Variants in PRIM2 observed in about 807,000 individuals in gnomAD.
The protein encoded by PRIM2 is DNA primase large subunit.
PRIM2 carries 39 observed loss-of-function variants against 67.3 expected under a neutral mutation model. That is an observed-to-expected ratio of 0.58 (90% CI 0.45 to 0.76). The LOEUF (loss-of-function observed/expected upper bound fraction) is 0.76. PRIM2 is among the 30% of genes least tolerant of loss of function. The pLI is 0.00. For missense variants in PRIM2, 398 were observed against 598.7 expected, an observed-to-expected ratio of 0.66 and a Z score of 3.50; for synonymous variants, 143 against 198.7, an observed-to-expected ratio of 0.72 and a Z score of 2.36.
At chr6:57,573,344 TAGTGG>T (rs1221816361) in intron 10 of PRIM2, among the ~76,000 whole-genome samples, 1 of 152,208 alleles carries the variant, frequency 6.6e-6, no homozygotes, top group East Asian at 1.9e-4. Context: ...GTGAAGTGGC[TAGTGG>T]AGTTGTGATC....
At chr6:57,525,493 T>G (rs1228220002) in intron 8 of PRIM2, among the ~76,000 whole-genome samples, 6 of 152,212 alleles carry the variant, frequency 3.9e-5, no homozygotes, top group Non-Finnish European at 8.8e-5. Flanking sequence ...TCATTCCTAC[T>G]GATTGTCATC....
chr6:57,461,408 C>T (rs1203919322), intron 7 of PRIM2, among the ~76,000 whole-genome samples: 17 of 152,206 alleles, frequency 1.1e-4, no homozygotes, highest in Admixed American at 2.0e-4. Flanking sequence ...AAATCATCCT[C>T]GCTCTGACAA....
At chr6:57,296,428 GAA>G in the PRIM2 span, among the ~76,000 whole-genome samples, 1 of 151,704 alleles carries the variant, frequency 6.6e-6, no homozygotes, top group Non-Finnish European at 1.5e-5. Flanking sequence ...CACTGTTGGA[GAA>G]AAAAAGTCAA....
intron 10 of PRIM2, among the ~76,000 whole-genome samples, chr6:57,599,408 T>G (rs1360902472): frequency 6.6e-6 from 1 of 151,716 alleles, no homozygotes; most frequent in Non-Finnish European, 1.5e-5. Context: ...AGGACATAAC[T>G]TCTCTCTTTC....
At chr6:57,228,731 C>T in the PRIM2 span, among the ~76,000 whole-genome samples, 5 of 152,170 alleles carry the variant, frequency 3.3e-5, no homozygotes, top group African/African-American at 1.2e-4. Context: ...CCAGCTGTAC[C>T]ACTTACTAGC....
chr6:57,496,766 T>C (rs1185795099), intron 7 of PRIM2, among the ~76,000 whole-genome samples: 6 of 152,312 alleles, frequency 3.9e-5, no homozygotes, highest in Admixed American at 1.3e-4. Context: ...CTCACAAATT[T>C]ATTAAGTGAA....
chr6:57,504,290 A>G (rs1275366909), intron 7 of PRIM2, among the ~76,000 whole-genome samples: 17 of 152,184 alleles, frequency 1.1e-4, no homozygotes, highest in African/African-American at 1.9e-4. Flanking sequence ...TAGAGTAACC[A>G]CCTGATTTAT....
chr6:57,291,669 C>T, the PRIM2 span, among the ~76,000 whole-genome samples: 1 of 152,200 alleles, frequency 6.6e-6, no homozygotes, highest in African/African-American at 2.4e-5. Context: ...GGCTTCATCC[C>T]TGGGATGCAA....
At chr6:57,583,026 T>A (rs1776125397) in intron 10 of PRIM2, among the ~76,000 whole-genome samples, 1 of 145,326 alleles carries the variant, frequency 6.9e-6, no homozygotes, top group African/African-American at 2.6e-5. Context: ...CTATGAGTGA[T>A]AACATGTGGT....
At chr6:57,643,500 T>C (rs1462896718) in intron 13 of PRIM2, among the ~76,000 whole-genome samples, 1 of 152,214 alleles carries the variant, frequency 6.6e-6, no homozygotes, top group Non-Finnish European at 1.5e-5. Context: ...TTGAATTTAA[T>C]GGATTCCCCA....
chr6:57,276,802 T>TCAGGG, the PRIM2 span, among the ~76,000 whole-genome samples: 201 of 151,614 alleles, frequency 1.3e-3, no homozygotes, highest in Non-Finnish European at 2.4e-3. Context: ...GGTGGGAGAA[T>TCAGGG]GGCTTGAGCC....
chr6:57,609,092 T>C (rs1413852783), intron 12 of PRIM2, among the ~76,000 whole-genome samples: 2 of 152,220 alleles, frequency 1.3e-5, no homozygotes, highest in African/African-American at 4.8e-5. Flanking sequence ...TTACACTTGT[T>C]AGGTGCTTTA....
At chr6:57,436,765 TAATTA>T (rs2127382460) in intron 7 of PRIM2, among the ~76,000 whole-genome samples, 2 of 152,346 alleles carry the variant, frequency 1.3e-5, no homozygotes, top group South Asian at 4.1e-4. Context: ...TTCTTTTATT[TAATTA>T]AATTGCATAT....
intron 7 of PRIM2, among the ~76,000 whole-genome samples, chr6:57,478,222 A>C (rs1270373942): frequency 1.3e-5 from 2 of 152,188 alleles, no homozygotes; most frequent in African/African-American, 2.4e-5. Flanking sequence ...CTTTTCTCAA[A>C]CATGAAATAC....
the PRIM2 span, among the ~76,000 whole-genome samples, chr6:57,303,587 C>G: frequency 1.3e-5 from 2 of 152,050 alleles, no homozygotes; most frequent in African/African-American, 4.8e-5. Context: ...CCAGGGCAGC[C>G]TCACTTATGT....
intron 8 of PRIM2, among the ~76,000 whole-genome samples, chr6:57,531,557 A>T (rs1774892543): frequency 6.6e-6 from 1 of 152,166 alleles, no homozygotes. Context: ...GTGTTGTGTG[A>T]AGGAGGTCAA....
chr6:57,297,212 C>A, the PRIM2 span, among the ~76,000 whole-genome samples: 1 of 151,922 alleles, frequency 6.6e-6, no homozygotes, highest in African/African-American at 2.4e-5. Flanking sequence ...GAGGTTGAGG[C>A]GGGTGGATCA....
At chr6:57,336,010 T>G (rs2127287473) in intron 5 of PRIM2, among the ~76,000 whole-genome samples, 1 of 151,760 alleles carries the variant, frequency 6.6e-6, no homozygotes, top group Admixed American at 6.5e-5. Flanking sequence ...AGAGAAGTGC[T>G]TAAAGGAGCT....
chr6:57,255,508 A>C, the PRIM2 span, among the ~76,000 whole-genome samples: 1 of 152,062 alleles, frequency 6.6e-6, no homozygotes, highest in Admixed American at 6.5e-5. Context: ...AAAAAAAAAA[A>C]AAAAAAGAAT....
Sources: allele counts gnomAD v4.1 joint callset (sites outside exome capture counted in the v4.1 genomes callset), GRCh38; gene constraint gnomAD v4.1.1; transcripts MANE v1.5; gene names NCBI Gene and HGNC (gene_info 2026-07-23, HGNC 2026-07-21).